Variants in TFAM observed in about 807,000 individuals in gnomAD.
The protein encoded by TFAM is mitochondrial transcription factor 1.
In TFAM, 13 loss-of-function variants were observed where a neutral mutation model predicts 30.6. That is an observed-to-expected ratio of 0.42 (90% CI 0.28 to 0.67). TFAM has a LOEUF of 0.67. Ranked by LOEUF, TFAM falls within the 30% of genes least tolerant of loss-of-function variation. The pLI, the probability that TFAM is intolerant of heterozygous loss-of-function variation, is 0.21. For synonymous variants in TFAM, 106 were observed against 94.8 expected, an observed-to-expected ratio of 1.12 and a Z score of -0.69; for missense variants, 231 against 293.7, an observed-to-expected ratio of 0.79 and a Z score of 1.56.
Position 58,385,521 on chromosome 10 carries a change from C to T in TFAM, c.-27C>T, listed in dbSNP as rs766346422. On this transcript the variant is annotated 5_prime_UTR_variant, in exon 1 of 7. Transcript: ENST00000487519. ...CCAGGAGGCTCTCCGAGATTGGGGTCGGGTCACTGCCTCATCCACCGGAGC... is the reference window on the plus strand; with the variant it reads ...CCAGGAGGCTCTCCGAGATTGGGGTTGGGTCACTGCCTCATCCACCGGAGC... 6.5e-7 allele frequency: 1 copy of T among 1,532,770 alleles called. No individual in the cohort carries two copies. The highest frequency in any genetic ancestry group is 1.2e-5 in the South Asian group (1 of 83,704). 94.9% of individuals were successfully genotyped at this position (1,532,770 alleles called of 1,614,324 possible).
Position 58,390,762 on chromosome 10 carries a change from C to T in TFAM, c.442-3C>T, listed in dbSNP as rs374262848. ...TTTTGACCCTCCAATTTTTTTAATTCAGGAGTTAACACTGCTTGGAAAACC... is the reference window on the plus strand; with the variant it reads ...TTTTGACCCTCCAATTTTTTTAATTTAGGAGTTAACACTGCTTGGAAAACC... On this transcript the variant is annotated splice_polypyrimidine_tract_variant and splice_region_variant and intron_variant, in intron 4 of 6. Transcript: ENST00000487519. 6.8e-6 allele frequency: 11 copies of T among 1,610,830 alleles called. No individual in the cohort carries two copies. Among genetic ancestry groups the T allele is most frequent in the Admixed American group, 3.3e-5 (2 of 59,984 alleles).
Position 58,388,656 on chromosome 10 carries a change from T to C in TFAM, c.292-14T>C. Reference sequence around the variant, plus strand: ...GCAATGGTTTGTTGACTTACTTGGGTTTTTTATTTATAGATATATCAAGAT... The same window carrying C: ...GCAATGGTTTGTTGACTTACTTGGGCTTTTTATTTATAGATATATCAAGAT... On this transcript the variant is annotated splice_polypyrimidine_tract_variant and intron_variant, in intron 3 of 6. Transcript: ENST00000487519. 6.4e-7 allele frequency: 1 copy of C among 1,570,558 alleles called. No individual in the cohort carries two copies. Among genetic ancestry groups the C allele is most frequent in the Non-Finnish European group, 8.6e-7 (1 of 1,158,976 alleles).
rs1239474720 is a variant in TFAM, at chr10:58,396,881, AT to A, written c.*1811del. The A allele has an allele frequency of 2.0e-5, 3 of 152,198 alleles. No homozygotes were observed. The highest frequency in any genetic ancestry group is 4.4e-5 in the Non-Finnish European group (3 of 68,034). 9.4% of individuals were successfully genotyped at this position (152,198 alleles called of 1,614,324 possible). A position where few individuals can be genotyped will look rare whatever the true frequency, so the allele number is the denominator to read the frequency against. On this transcript the variant is annotated 3_prime_UTR_variant, in exon 7 of 7. Coordinates refer to ENST00000487519, the MANE Select transcript of TFAM (RefSeq NM_003201.3). The stretch of plus-strand genomic sequence containing the variant: ...AGGCTTTAAATATATAAAGTTGGAT[AT>A]TTTAAAATAACTTTTCCCTGTGGGA...
chr10:58,387,493 C>T (rs187325978), intron 2 of TFAM, among the ~76,000 whole-genome samples: 1,525 of 152,210 alleles, frequency 0.01, 19 homozygotes, highest in African/African-American at 0.034. Flanking sequence ...TATTGAAATA[C>T]GAGGCTGTGT....
At chr10:58,390,987 T>C in intron 5 of TFAM, 127 bp downstream of exon 5, 1 of 839,698 alleles carries the variant, frequency 1.2e-6, no homozygotes. Flanking sequence ...GCTAAGGCCC[T>C]CTTTAAAGAA....
intron 5 of TFAM, among the ~76,000 whole-genome samples, chr10:58,393,912 T>A (rs1840638132): frequency 6.6e-6 from 1 of 150,538 alleles, no homozygotes; most frequent in South Asian, 2.1e-4. Context: ...AAAAAAAAAT[T>A]CTATCCCTTT....
Position 58,385,439 on chromosome 10 carries a change from A to T in TFAM, c.-109A>T, listed in dbSNP as rs889347985. On this transcript the variant is annotated 5_prime_UTR_variant, in exon 1 of 7. Coordinates refer to ENST00000487519, the MANE Select transcript of TFAM (RefSeq NM_003201.3). Reference sequence around the variant, plus strand: ...TGCCTCGCTAGTGGCGGGCATGATAACACACGCCGGAGGGTCGCACGCGGG... The same window carrying T: ...TGCCTCGCTAGTGGCGGGCATGATATCACACGCCGGAGGGTCGCACGCGGG... The T allele has an allele frequency of 1.3e-6, 1 of 796,292 alleles. No individual in the cohort carries two copies. The highest frequency in any genetic ancestry group is 1.5e-5 in the South Asian group (1 of 65,766). The allele number at this position is 796,292 out of a possible 1,614,324, so 49.3% of individuals were successfully genotyped here. A position where few individuals can be genotyped will look rare whatever the true frequency, so the allele number is the denominator to read the frequency against.
chr10:58,393,330 T>TC (rs1840629420), intron 5 of TFAM, among the ~76,000 whole-genome samples: 1 of 152,200 alleles, frequency 6.6e-6, no homozygotes, highest in African/African-American at 2.4e-5. Context: ...AACCTTAGCT[T>TC]CACCTGTTTT....
At chr10:58,394,212 A>T in intron 5 of TFAM, 146 bp from the exon 6 acceptor site, 1 of 683,922 alleles carries the variant, frequency 1.5e-6, no homozygotes, top group Non-Finnish European at 2.6e-6. Flanking sequence ...TAACAGTTTG[A>T]TAGTTTTTGT....
At position 58,395,011 on chromosome 10, in the gene TFAM, A is replaced by G; in HGVS notation, c.678A>G (p.Gly226=). ...GGGAAGAACAAATGATTGAAGTTGG[A>G]CGAAAGGATCTTCTACGTCGCACAA... ...KSWEEQMIEV[G]RKDLLRRTIK... The change falls in exon 7 of 7, where the codon GGA becomes GGG. Residue 226 remains glycine (G), a synonymous_variant. Transcript: ENST00000487519. The G allele has an allele frequency of 1.9e-6, 3 of 1,613,812 alleles. No homozygotes were observed. Among genetic ancestry groups the G allele is most frequent in the Non-Finnish European group, 2.5e-6 (3 of 1,179,794 alleles).
chr10:58,395,046 A>G lies in TFAM; in HGVS notation c.713A>G (p.Gln238Arg). 6.2e-7 allele frequency: 1 copy of G among 1,613,714 alleles called. No individual in the cohort carries two copies. The highest frequency in any genetic ancestry group is 8.5e-7 in the Non-Finnish European group (1 of 1,179,730). ...KDLLRRTIKK[Q>R]RKYGAEEC is the part of the protein sequence containing the mutation. ...CTTCTACGTCGCACAATAAAGAAAC[A>G]ACGAAAATATGGTGCTGAGGAGTGT... is the stretch of plus-strand genomic sequence containing the variant. The change falls in exon 7 of 7, where the codon CAA becomes CGA. Residue 238 changes from glutamine (Q) to arginine (R), a missense_variant. Gln to Arg is a conservative substitution (Grantham distance 43). Transcript: ENST00000487519.
In TFAM at chr10:58,394,369, G is replaced by C; in HGVS notation, c.549G>C (p.Lys183Asn). 2 of 1,613,116 alleles carry C rather than the reference G, an allele frequency of 1.2e-6. No homozygotes were observed. The highest frequency in any genetic ancestry group is 1.7e-6 in the Non-Finnish European group (2 of 1,179,250). Residue 183 changes from lysine (K) to asparagine (N), a missense_variant, in exon 6 of 7, where the codon AAG becomes AAC. Transcript: ENST00000487519. ...ATATTGTTTTACAGGAAAAGCTGAA[G>C]ACTGTAAAGGAAAACTGGAAAAATC... ...AKGDSPQEKL[K>N]TVKENWKNLS...
chr10:58,392,086 A>G (rs1840608389), intron 5 of TFAM, among the ~76,000 whole-genome samples: 1 of 152,052 alleles, frequency 6.6e-6, no homozygotes, highest in Non-Finnish European at 1.5e-5. Flanking sequence ...TACAGCTAAC[A>G]TCTTGAGATT....
At chr10:58,392,502 T>TTTTTG (rs934638828) in intron 5 of TFAM, among the ~76,000 whole-genome samples, 4 of 152,206 alleles carry the variant, frequency 2.6e-5, no homozygotes, top group East Asian at 1.9e-4. Flanking sequence ...CTTTCCTTTT[T>TTTTTG]TTTTGTTTTG....
chr10:58,396,668 G>A lies in TFAM; in HGVS notation c.*1594G>A, dbSNP rs191347684. ...TGTTTGAGCAGAATAATTCTCATCA[G>A]TTCACAGATATAGGATAACTCAATT... On this transcript the variant is annotated 3_prime_UTR_variant, in exon 7 of 7. Coordinates refer to ENST00000487519, the MANE Select transcript of TFAM (RefSeq NM_003201.3). 3.3e-5 allele frequency: 5 copies of A among 152,306 alleles called. No homozygotes were observed. In the East Asian group the frequency reaches 9.6e-4, roughly 29 times the overall value. 9.4% of individuals were successfully genotyped at this position (152,306 alleles called of 1,614,324 possible). A position where few individuals can be genotyped will look rare whatever the true frequency, so the allele number is the denominator to read the frequency against.
At chr10:58,392,487 GTCT>G (rs1489629626) in intron 5 of TFAM, among the ~76,000 whole-genome samples, 4 of 150,570 alleles carry the variant, frequency 2.7e-5, no homozygotes, top group Non-Finnish European at 5.9e-5. Context: ...TTTTCCTTTA[GTCT>G]TCTTTCCTTT....
At position 58,396,702 on chromosome 10, in the gene TFAM, C is replaced by T. The variant is rs1050745233; in HGVS notation, c.*1628C>T. 1 of 152,130 alleles carries T rather than the reference C, an allele frequency of 6.6e-6. No homozygotes were observed. The highest frequency in any genetic ancestry group is 2.4e-5 in the African/African-American group (1 of 41,416). 9.4% of individuals were successfully genotyped at this position (152,130 alleles called of 1,614,324 possible). ...TATAGGATAACTCAATTTATATGCA[C>T]TTTATGCGTTATGCAAAATATTTAG... On this transcript the variant is annotated 3_prime_UTR_variant, in exon 7 of 7. Coordinates refer to ENST00000487519, the MANE Select transcript of TFAM (RefSeq NM_003201.3).
At chr10:58,385,674 G>A in intron 1 of TFAM, 26 bp downstream of exon 1, 2 of 1,518,340 alleles carry the variant, frequency 1.3e-6, no homozygotes, top group Non-Finnish European at 1.8e-6. Context: ...TGTGCCCTAG[G>A]GGCAGCAGGG....
At chr10:58,390,976 T>A (rs990096709) in intron 5 of TFAM, 116 bp downstream of exon 5, 4 of 927,406 alleles carry the variant, frequency 4.3e-6, no homozygotes, top group Non-Finnish European at 3.3e-6. Context: ...TAAACTCTTT[T>A]GCTAAGGCCC....
Sources: gnomAD v4.1 joint callset for allele counts (sites outside exome capture counted in the v4.1 genomes callset) on GRCh38, gnomAD v4.1.1 for gene constraint, MANE v1.5 for transcripts, NCBI Gene and HGNC (gene_info 2026-07-23, HGNC 2026-07-21) for gene names.